The following LAMB4 variants were observed in gnomAD, a reference collection of about 807,000 sequenced individuals.
LAMB4 encodes laminin subunit beta 4.
In LAMB4, 196 loss-of-function variants were observed where a neutral mutation model predicts 199.2. The ratio of observed to expected loss-of-function variants is 0.98; its 90% CI spans 0.88 to 1.11. LAMB4 has a LOEUF of 1.11. LAMB4 is among the 50% of genes least tolerant of loss of function. LAMB4 has a pLI of 0.00. For missense variants in LAMB4, 2,080 were observed against 2,171.2 expected (o/e 0.96, Z 0.83); for synonymous variants, 744 against 770.6 (o/e 0.97, Z 0.57).
At chr7:108,034,495 C>A in intron 30 of LAMB4, 149 bp from the exon 31 acceptor site, 1 of 648,472 alleles carries the variant, frequency 1.5e-6, no homozygotes, top group Non-Finnish European at 2.6e-6. Context: ...GTGCTGAAGT[C>A]TTCATTTTGA....
rs2036253914 is a variant in LAMB4 at position 108,063,977 on chromosome 7, A to G, written c.2845T>C (p.Cys949Arg). ...TAGAAACCAGTAGAGCATTCTCCAC[A>G]CTGAGTACCTGAAAGAAAGTGGGAG... is the stretch of plus-strand genomic sequence containing the variant. ...NCLQGYTGTQ[C>R]GECSTGFYGN... is the part of the protein sequence containing the mutation. Residue 949 changes from cysteine to arginine, a missense_variant, in exon 22 of 34, where the codon TGT (cysteine) becomes CGT (arginine). By Grantham distance (180) the Cys-to-Arg change is radical (BLOSUM62 -3). Coordinates refer to ENST00000388781, the MANE Select transcript of LAMB4 (RefSeq NM_007356.3). 1 of 1,613,074 alleles carries G rather than the reference A, an allele frequency of 6.2e-7. No homozygotes were observed. The highest frequency in any genetic ancestry group is 8.5e-7 in the Non-Finnish European group (1 of 1,179,036).
At chr7:108,128,756 T>G (rs1473692843) in intron 1 of LAMB4, among the ~76,000 whole-genome samples, 1 of 152,230 alleles carries the variant, frequency 6.6e-6, no homozygotes, top group Non-Finnish European at 1.5e-5. Flanking sequence ...TAAGTTTAAT[T>G]GGTACTGCTT....
Position 108,048,024 on chromosome 7 carries a change from T to C in LAMB4, c.4210A>G (p.Arg1404Gly), listed in dbSNP as rs751295891. ...CTGRKGHRKC[R>G]GPGCHGSLTL... The stretch of plus-strand genomic sequence containing the variant: ...AGGGAGCCGTGACAGCCGGGACCCC[T>C]ACACTTCCTGTGCCCCTTCCGGCCC... Residue 1404 changes from arginine to glycine, a missense_variant, in exon 28 of 34, where the codon AGG (arginine) becomes GGG (glycine). By Grantham distance (125) the Arg-to-Gly change is moderately radical (BLOSUM62 -2). Coordinates refer to ENST00000388781, the MANE Select transcript of LAMB4 (RefSeq NM_007356.3). 4 of 1,614,200 alleles carry C rather than the reference T, an allele frequency of 2.5e-6. No homozygotes were observed. The highest frequency in any genetic ancestry group is 1.7e-5 in the Admixed American group (1 of 60,016).
At chr7:108,101,058 A>G (rs1168858126) in intron 10 of LAMB4, among the ~76,000 whole-genome samples, 1 of 152,192 alleles carries the variant, frequency 6.6e-6, no homozygotes, top group African/African-American at 2.4e-5. Context: ...ATAAGACTTC[A>G]TTTTATATAT....
rs1563024905 is a variant in LAMB4 at position 108,025,444 on chromosome 7, T to TTTC, written c.5147-1267_5147-1266insGAA. 1.5e-4 allele frequency among the ~76,000 whole-genome samples: 18 copies of TTTC among 118,598 alleles called. 2 individuals are homozygous for TTTC. Among genetic ancestry groups the TTTC allele is most frequent in the African/African-American group, 1.2e-3 (18 of 14,952 alleles). The allele number at this position is 118,598 out of a possible 152,430, so 77.8% of individuals were successfully genotyped here. A position where few individuals can be genotyped will look rare whatever the true frequency, so the allele number is the denominator to read the frequency against. The stretch of plus-strand genomic sequence containing the variant: ...TCTTTCTTTCTTTCTTTTTTTTTTT[T>TTTC]TGAGACAGAGTTTTGCTCTTGTTGC... On this transcript the variant is annotated intron_variant, in intron 33 of 33. Transcript: ENST00000388781.
In LAMB4 at chr7:108,078,213, G is replaced by A. The variant is rs1426135245; in HGVS notation, c.1991C>T (p.Pro664Leu). Residue 664 changes from proline (P) to leucine (L), a missense_variant, in exon 16 of 34, where the codon CCA (proline) becomes CTA (leucine). Coordinates refer to ENST00000388781, the MANE Select transcript of LAMB4 (RefSeq NM_007356.3). ...GTCTGAAACATACCTCGTAGCCGCT[G>A]GTAAGGCAAAAGACTGAGGCTTTGA... The part of the protein sequence containing the change: ...LQSKPQSFAL[P>L]AATRIMLLPT... 1.2e-6 allele frequency: 2 copies of A among 1,606,108 alleles called. No homozygotes were observed. The highest frequency in any genetic ancestry group is 2.7e-5 in the African/African-American group (2 of 74,796).
In LAMB4 at chr7:108,107,759, CT is replaced by C. The variant is rs2038076582; in HGVS notation, c.462del (p.Val155CysfsTer46). On this transcript the variant is annotated frameshift_variant, in exon 6 of 34. Coordinates refer to ENST00000388781, the MANE Select transcript of LAMB4 (RefSeq NM_007356.3). LOFTEE classifies it high-confidence loss of function. ...CAGTCTTTTGCAAAATATTTGAACA[CT>C]TTCCAGTTGTGTCCATAGTCTGTGG... ...ERSTDYGHNW[K>X]VFKYFAKDCA... 1.2e-6 allele frequency: 2 copies of C among 1,613,802 alleles called. No individual in the cohort carries two copies. Among genetic ancestry groups the C allele is most frequent in the Non-Finnish European group, 8.5e-7 (1 of 1,179,958 alleles).
At position 108,078,238 on chromosome 7, in the gene LAMB4, A is replaced by T; in HGVS notation, c.1966T>A (p.Ser656Thr). The change falls in exon 16 of 34, where the codon TCA (serine) becomes ACA (threonine). Residue 656 changes from serine to threonine, a missense_variant. By Grantham distance (58) the Ser-to-Thr change is moderately conservative. Coordinates refer to ENST00000388781, the MANE Select transcript of LAMB4 (RefSeq NM_007356.3). The stretch of plus-strand genomic sequence containing the variant: ...GGTAAGGCAAAAGACTGAGGCTTTG[A>T]CTGTAGAGTCTTGGGTATGCAGTGC... ...SEHCIPKTLQ[S>T]KPQSFALPAA... is the part of the protein sequence containing the mutation. 6.2e-7 allele frequency: 1 copy of T among 1,611,636 alleles called. No individual in the cohort carries two copies. The highest frequency in any genetic ancestry group is 8.5e-7 in the Non-Finnish European group (1 of 1,178,990).
chr7:108,063,749 TTGCAGACTTACTTC>T lies in LAMB4; in HGVS notation c.3059_3061+11del. The T allele has an allele frequency of 6.2e-7, 1 of 1,604,472 alleles. No individual in the cohort carries two copies. The highest frequency in any genetic ancestry group is 8.5e-7 in the Non-Finnish European group (1 of 1,171,282). On this transcript the variant is annotated splice_donor_variant and splice_donor_5th_base_variant and coding_sequence_variant and intron_variant, in exon 22 of 34. Transcript: ENST00000388781. LOFTEE classifies it high-confidence loss of function. ...GCTGACACATTTCCCCCTGGGAGTT[TTGCAGACTTACTTC>T]TGCAGGTCTGATTGAGGGCTGATCC...
intron 10 of LAMB4, among the ~76,000 whole-genome samples, chr7:108,102,799 C>T (rs408867): frequency 0.42 from 63,979 of 151,784 alleles, 13,713 homozygotes; most frequent in African/African-American, 0.46. Flanking sequence ...ATACTCAAGG[C>T]GTCTGCCTCT....
chr7:108,025,250 A>G (rs1052113925), intron 33 of LAMB4, among the ~76,000 whole-genome samples: 1 of 152,164 alleles, frequency 6.6e-6, no homozygotes, highest in Admixed American at 6.5e-5. Context: ...GGAAACTAGC[A>G]GGTGAAGCTC....
intron 7 of LAMB4, 116 bp downstream of exon 7, chr7:108,106,393 G>A: frequency 1.5e-6 from 1 of 675,482 alleles, no homozygotes. Context: ...ACTCCAGCCT[G>A]GATGACAGGG....
intron 22 of LAMB4, among the ~76,000 whole-genome samples, 194 bp from the exon 23 acceptor site, chr7:108,063,188 A>G (rs1357229081): frequency 6.6e-6 from 1 of 152,174 alleles, no homozygotes; most frequent in Non-Finnish European, 1.5e-5. Context: ...GATCTCCCCA[A>G]ATGCAAGTTC....
At chr7:108,128,338 G>T (rs1282430703) in intron 1 of LAMB4, among the ~76,000 whole-genome samples, 1 of 152,134 alleles carries the variant, frequency 6.6e-6, no homozygotes, top group Non-Finnish European at 1.5e-5. Context: ...ATAGGGTTCT[G>T]GCATGACAGA....
the LAMB4 span, among the ~76,000 whole-genome samples, chr7:108,017,463 C>G: frequency 6.6e-6 from 1 of 152,152 alleles, no homozygotes; most frequent in Non-Finnish European, 1.5e-5. Flanking sequence ...ACTGTCTTCT[C>G]ATAAAATTGG....
In LAMB4 at chr7:108,024,094, G is replaced by C; in HGVS notation, c.5231C>G (p.Ala1744Gly). 1 of 1,605,068 alleles carries C rather than the reference G, an allele frequency of 6.2e-7. No individual in the cohort carries two copies. Among genetic ancestry groups the C allele is most frequent in the Non-Finnish European group, 8.5e-7 (1 of 1,174,694 alleles). Reference protein sequence around the residue: ...QLRILEDQVVAIKNEIVEQEK... With the variant: ...QLRILEDQVVGIKNEIVEQEK... ...TTGTTCAACAATTTCATTTTTAATGGCAACAACTTGATCTTCCAATATTCT... is the reference window on the plus strand; with the variant it reads ...TTGTTCAACAATTTCATTTTTAATGCCAACAACTTGATCTTCCAATATTCT... The change falls in exon 34 of 34, where the codon GCC (alanine) becomes GGC (glycine). Residue 1744 changes from alanine (A) to glycine (G), a missense_variant. Coordinates refer to ENST00000388781, the MANE Select transcript of LAMB4 (RefSeq NM_007356.3).
intron 29 of LAMB4, among the ~76,000 whole-genome samples, chr7:108,042,096 C>A (rs148063139): frequency 2.3e-3 from 353 of 152,168 alleles, no homozygotes; most frequent in African/African-American, 8.1e-3. Context: ...GTGTGGTCAT[C>A]ATCTAATGTA....
chr7:108,047,394 G>A (rs938266408), intron 28 of LAMB4, among the ~76,000 whole-genome samples: 4 of 151,974 alleles, frequency 2.6e-5, no homozygotes, highest in Non-Finnish European at 4.4e-5. Context: ...ATGTGATGAC[G>A]ATGAAGACCT....
intron 14 of LAMB4, among the ~76,000 whole-genome samples, chr7:108,080,905 C>T (rs993917706): frequency 2.6e-5 from 4 of 151,744 alleles, no homozygotes; most frequent in Non-Finnish European, 4.4e-5. Flanking sequence ...GGGTGGATCA[C>T]GAGGTCAGGA....
Sources: allele counts gnomAD v4.1 joint callset (sites outside exome capture counted in the v4.1 genomes callset), GRCh38; gene constraint gnomAD v4.1.1; transcripts MANE v1.5; gene names NCBI Gene and HGNC (gene_info 2026-07-23, HGNC 2026-07-21).